The following TMEM132C variants were observed in gnomAD, a reference collection of about 807,000 sequenced individuals.
TMEM132C encodes the protein transmembrane protein 132C.
In TMEM132C, 29 loss-of-function variants were observed where a neutral mutation model predicts 61.4. The ratio of observed to expected loss-of-function variants is 0.47; its 90% CI spans 0.35 to 0.64. TMEM132C has a LOEUF of 0.64. Ranked by LOEUF, TMEM132C falls within the 30% of genes least tolerant of loss-of-function variation. The pLI is 0.00. For synonymous variants in TMEM132C, 656 were observed against 633.1 expected (o/e 1.04, Z -0.54); for missense variants, 1,408 against 1,476.9 (o/e 0.95, Z 0.76).
At chr12:128,638,278 C>T (rs73428466) in intron 4 of TMEM132C, among the ~76,000 whole-genome samples, 2,276 of 152,298 alleles carry the variant, frequency 0.015, 57 homozygotes, top group African/African-American at 0.052. Context: ...CCCTTCCAGG[C>T]AAACATCATC....
chr12:128,378,460 C>T (rs1874288951), intron 1 of TMEM132C, among the ~76,000 whole-genome samples: 2 of 152,130 alleles, frequency 1.3e-5, no homozygotes, highest in Non-Finnish European at 1.5e-5. Context: ...TATTCATTTG[C>T]ACCTTCACTA....
At chr12:128,528,166 GGGCA>G (rs536243364) in intron 2 of TMEM132C, among the ~76,000 whole-genome samples, 21 of 152,110 alleles carry the variant, frequency 1.4e-4, no homozygotes, top group Non-Finnish European at 2.6e-4. Flanking sequence ...TGGTAAGTTA[GGGCA>G]GCAAAAAAGA....
chr12:128,459,730 C>T (rs1380937368), intron 2 of TMEM132C, among the ~76,000 whole-genome samples: 1 of 151,660 alleles, frequency 6.6e-6, no homozygotes, highest in Admixed American at 6.6e-5. Flanking sequence ...ACTAAAAATA[C>T]AAAAATTAGC....
intron 4 of TMEM132C, among the ~76,000 whole-genome samples, chr12:128,635,073 A>G (rs947040304): frequency 6.6e-6 from 1 of 152,206 alleles, no homozygotes; most frequent in Non-Finnish European, 1.5e-5. Flanking sequence ...GGATCAGGTT[A>G]CTCAGAGCAA....
chr12:128,562,309 A>G (rs1317876199), intron 3 of TMEM132C, among the ~76,000 whole-genome samples: 1 of 152,202 alleles, frequency 6.6e-6, no homozygotes, highest in Non-Finnish European at 1.5e-5. Flanking sequence ...GATTATCTTA[A>G]TAACTTTAAA....
chr12:128,641,153 C>T (rs1190940690), intron 4 of TMEM132C, among the ~76,000 whole-genome samples: 3 of 152,154 alleles, frequency 2.0e-5, no homozygotes, highest in African/African-American at 7.2e-5. Flanking sequence ...CCCCTTCACA[C>T]AACTCCCCAG....
intron 3 of TMEM132C, among the ~76,000 whole-genome samples, chr12:128,608,475 A>C (rs985849311): frequency 6.6e-6 from 1 of 152,220 alleles, no homozygotes; most frequent in Admixed American, 6.5e-5. Context: ...AATTTGCCCA[A>C]GTTACCCCTC....
chr12:128,531,376 A>G (rs2136136307), intron 2 of TMEM132C, among the ~76,000 whole-genome samples: 1 of 152,324 alleles, frequency 6.6e-6, no homozygotes, highest in South Asian at 2.1e-4. Flanking sequence ...AGAGCGCTCA[A>G]TTGGAAACAC....
intron 3 of TMEM132C, among the ~76,000 whole-genome samples, chr12:128,546,019 CT>C (rs1202043739): frequency 1.3e-5 from 2 of 152,184 alleles, no homozygotes; most frequent in African/African-American, 4.8e-5. Context: ...CCACGCTGTT[CT>C]TTTGCCCACA....
chr12:128,405,473 G>A (rs1171129315), intron 1 of TMEM132C, among the ~76,000 whole-genome samples: 3 of 152,074 alleles, frequency 2.0e-5, no homozygotes, highest in South Asian at 4.1e-4. Context: ...TGAGAAAGTG[G>A]GAATTTCCTG....
chr12:128,325,366 C>T (rs61938413), intron 1 of TMEM132C, among the ~76,000 whole-genome samples: 2 of 152,092 alleles, frequency 1.3e-5, no homozygotes, highest in Admixed American at 6.5e-5. Context: ...TTGAATCTGC[C>T]AGCCCCAGTA....
intron 4 of TMEM132C, among the ~76,000 whole-genome samples, chr12:128,632,666 C>T (rs1954073162): frequency 6.6e-6 from 1 of 152,168 alleles, no homozygotes; most frequent in African/African-American, 2.4e-5. Flanking sequence ...AGGAAAGCAA[C>T]CAGCCCTTTT....
intron 1 of TMEM132C, among the ~76,000 whole-genome samples, chr12:128,294,598 C>A (rs559046599): frequency 6.6e-6 from 1 of 152,200 alleles, no homozygotes; most frequent in Non-Finnish European, 1.5e-5. Flanking sequence ...GAATTTGTTT[C>A]TTGCAGTTCC....
chr12:128,330,562 T>G (rs1390337348), intron 1 of TMEM132C, among the ~76,000 whole-genome samples: 1 of 152,134 alleles, frequency 6.6e-6, no homozygotes, highest in Admixed American at 6.6e-5. Flanking sequence ...CTAAAAAATG[T>G]TTTTAAAGTG....
intron 1 of TMEM132C, among the ~76,000 whole-genome samples, chr12:128,344,393 C>T (rs1454777055): frequency 6.6e-6 from 1 of 152,102 alleles, no homozygotes; most frequent in Non-Finnish European, 1.5e-5. Flanking sequence ...CTTCTCACCT[C>T]GTGATCCACC....
chr12:128,403,934 C>T (rs576808122), intron 1 of TMEM132C, among the ~76,000 whole-genome samples: 23 of 152,296 alleles, frequency 1.5e-4, no homozygotes, highest in African/African-American at 4.6e-4. Flanking sequence ...GTTTGTCAAC[C>T]TCAGTGCTAT....
At position 128,278,353 on chromosome 12, in the gene TMEM132C, C is replaced by T. The variant is rs747200282; in HGVS notation, c.85+10866C>T. On this transcript the variant is annotated intron_variant, in intron 1 of 8. Transcript: ENST00000435159. This position sits in a 1 kb window ranked among gnomAD's most constrained non-coding sequence, Gnocchi z 4.2. ...TGTTTAATTGTAAGCAATGAATTGA[C>T]TGAGAGAGCAGACTTTTCTCATTTG... Among the ~76,000 whole-genome samples, 11 of 152,196 alleles carry T rather than the reference C, an allele frequency of 7.2e-5. No individual in the cohort carries two copies. Among genetic ancestry groups the T allele is most frequent in the Non-Finnish European group, 1.3e-4 (9 of 68,040 alleles).
At chr12:128,277,877 C>T (rs9669390) in intron 1 of TMEM132C, among the ~76,000 whole-genome samples, 55,345 of 151,818 alleles carry the variant, frequency 0.36, 10,474 homozygotes, top group Middle Eastern at 0.44. Flanking sequence ...ACATCTCTAC[C>T]TCTGGGTGGC....
At chr12:128,521,044 C>T (rs1872888599) in intron 2 of TMEM132C, among the ~76,000 whole-genome samples, 1 of 152,096 alleles carries the variant, frequency 6.6e-6, no homozygotes, top group South Asian at 2.1e-4. Context: ...AACCTGCTAA[C>T]TGTCAAGCCA....
Sources: gnomAD v4.1 joint callset for allele counts (sites outside exome capture counted in the v4.1 genomes callset) on GRCh38, gnomAD v4.1.1 for gene constraint, Gnocchi (gnomAD v3.1) non-coding constraint, MANE v1.5 for transcripts, NCBI Gene and HGNC (gene_info 2026-07-23, HGNC 2026-07-21) for gene names.